CMTM3: variants seen among roughly 807,000 people sequenced by gnomAD.
CMTM3 encodes CKLF-like MARVEL transmembrane domain-containing protein 3.
Under a neutral mutation model 18.2 loss-of-function variants are expected in CMTM3, and 7 were observed. The observed-to-expected ratio is 0.38, with a 90% CI of 0.22 to 0.72. The LOEUF (loss-of-function observed/expected upper bound fraction) is 0.72. Ranked by LOEUF, CMTM3 falls within the 30% of genes least tolerant of loss-of-function variation. The probability of loss-of-function intolerance (pLI) is 0.46; values close to 1 mark genes in which losing one functional copy is unlikely to be tolerated. For missense variants in CMTM3, 227 were observed against 249.2 expected (o/e 0.91, Z 0.60); for synonymous variants, 109 against 111.2 (o/e 0.98, Z 0.12).
At chr16:66,604,655 TG>T (rs1251936789), upstream of CMTM3, 15 of 390,366 alleles carry the variant, frequency 3.8e-5, no homozygotes, top group East Asian at 7.6e-4. Context: ...GAGGAGCGGG[TG>T]GGGGCGGGGC....
Position 66,612,448 on chromosome 16 carries a change from G to A in CMTM3, c.521-161G>A, listed in dbSNP as rs553475482. ...TGCCTGTGGAGGGCCTCAGGCCCGC[G>A]GCCTGCCCTGATGCCAGCGATCACT... is the stretch of plus-strand genomic sequence containing the variant. On this transcript the variant is annotated intron_variant, in intron 4 of 4. Coordinates refer to ENST00000567572, the MANE Select transcript of CMTM3 (RefSeq NM_181553.4). The surrounding 1 kb of genome is among the most constrained non-coding windows in gnomAD (Gnocchi z 6.0). Among the ~76,000 whole-genome samples the A allele has an allele frequency of 4.6e-5, 7 of 151,964 alleles. No homozygotes were observed. The highest frequency in any genetic ancestry group is 8.8e-5 in the Non-Finnish European group (6 of 67,962).
Position 66,604,866 on chromosome 16 carries a change from G to A in CMTM3, c.61G>A (p.Gly21Ser), listed in dbSNP as rs1475415385. The stretch of plus-strand genomic sequence containing the variant: ...CGAGCCTGCCGGCGGCTCCCGTCCC[G>A]GCCCCGCGGTCCCCGGGCTCCGCGC... ...DPEPAGGSRP[G>S]PAVPGLRALL... The change falls in exon 1 of 5, where the codon GGC becomes AGC. Residue 21 changes from glycine (G) to serine (S), a missense_variant. Gly to Ser is a moderately conservative substitution (Grantham distance 56). Coordinates refer to ENST00000567572, the MANE Select transcript of CMTM3 (RefSeq NM_181553.4). The A allele has an allele frequency of 8.6e-6, 12 of 1,400,444 alleles. No individual in the cohort carries two copies. The East Asian group carries it at 1.2e-4, about 14-fold the overall frequency. The allele number at this position is 1,400,444 out of a possible 1,614,324, so 86.8% of individuals were successfully genotyped here. A position where few individuals can be genotyped will look rare whatever the true frequency, so the allele number is the denominator to read the frequency against.
rs2015430373 is a variant in CMTM3, at chr16:66,612,749, T to TGCGGACACAGCAGGCCCCC, written c.*113_*131dup. 3 of 1,061,926 alleles carry TGCGGACACAGCAGGCCCCC rather than the reference T, an allele frequency of 2.8e-6. No individual in the cohort carries two copies. The allele number at this position is 1,061,926 out of a possible 1,614,324, so 65.8% of individuals were successfully genotyped here. ...TGGACTTCTGAGTTGCAGAGGGGGC[T>TGCGGACACAGCAGGCCCCC]GCGGACACAGCAGGCCCCCTACAGC... On this transcript the variant is annotated 3_prime_UTR_variant, in exon 5 of 5. Transcript: ENST00000567572. The surrounding 1 kb of genome is among the most constrained non-coding windows in gnomAD (Gnocchi z 6.0).
chr16:66,605,610 CG>C lies in CMTM3; in HGVS notation c.147+661del, dbSNP rs1301774132. On this transcript the variant is annotated intron_variant, in intron 1 of 4. Transcript: ENST00000567572. The surrounding 1 kb of genome is among the most constrained non-coding windows in gnomAD (Gnocchi z 4.6). ...CCGTTGGGGATGGGGAGGGAGAGGC[CG>C]GGCCGGAGACCGGGGGAGGCGGGAG... 6.5e-6 allele frequency: 1 copy of C among 153,304 alleles called. No individual in the cohort carries two copies. The highest frequency in any genetic ancestry group is 1.5e-5 in the Non-Finnish European group (1 of 68,888). 9.5% of individuals were successfully genotyped at this position (153,304 alleles called of 1,614,324 possible).
chr16:66,606,633 G>A (rs1032038049), intron 1 of CMTM3, among the ~76,000 whole-genome samples: 1 of 152,152 alleles, frequency 6.6e-6, no homozygotes, highest in African/African-American at 2.4e-5. Flanking sequence ...ATGTTCAAAC[G>A]CAGCCACAGT....
chr16:66,610,064 A>G lies in CMTM3; in HGVS notation c.520+61A>G. 6.3e-7 allele frequency: 1 copy of G among 1,597,088 alleles called. No homozygotes were observed. The highest frequency in any genetic ancestry group is 8.5e-7 in the Non-Finnish European group (1 of 1,170,376). On this transcript the variant is annotated intron_variant, in intron 4 of 4. Transcript: ENST00000567572. This position sits in a 1 kb window ranked among gnomAD's most constrained non-coding sequence, Gnocchi z 4.6. Reference sequence around the variant, plus strand: ...AACAGGGGCCTGCCCTCCCTCGGGGATGCCAGCTAGTTTGAGGCTGGGGTG... The same window carrying G: ...AACAGGGGCCTGCCCTCCCTCGGGGGTGCCAGCTAGTTTGAGGCTGGGGTG...
rs1567394093 is a variant in CMTM3 at position 66,608,550 on chromosome 16, C to T, written c.303+86C>T. 2.6e-5 allele frequency: 36 copies of T among 1,381,248 alleles called. No individual in the cohort carries two copies. The highest frequency in any genetic ancestry group is 3.5e-5 in the Non-Finnish European group (35 of 998,200). The allele number at this position is 1,381,248 out of a possible 1,614,324, so 85.6% of individuals were successfully genotyped here. A position where few individuals can be genotyped will look rare whatever the true frequency, so the allele number is the denominator to read the frequency against. ...CAGAGTCGTGCACTTGGGCCCTTAT[C>T]CTTTCTCTAGTGTGCTGGAGTTTGC... On this transcript the variant is annotated intron_variant, in intron 2 of 4. Transcript: ENST00000567572. This position sits in a 1 kb window ranked among gnomAD's most constrained non-coding sequence, Gnocchi z 5.1.
intron 1 of CMTM3, among the ~76,000 whole-genome samples, chr16:66,606,148 G>A (rs1597204861): frequency 6.6e-6 from 1 of 152,164 alleles, no homozygotes; most frequent in Non-Finnish European, 1.5e-5. Flanking sequence ...AAGGGTGAAC[G>A]GTCAGCACTC....
upstream of CMTM3, chr16:66,604,031 AGT>A (rs749278211): frequency 3.0e-3 from 437 of 147,832 alleles, 1 homozygote; most frequent in African/African-American, 6.8e-3. Context: ...GTGCGTGTGG[AGT>A]GTGTGTGTGT....
chr16:66,604,900 C>T lies in CMTM3; in HGVS notation c.95C>T (p.Pro32Leu), dbSNP rs1280690578. Reference sequence around the variant, plus strand: ...GTCCCCGGGCTCCGCGCCCTGCTGCCGGCGCGGGCTTTCCTCTGCTCTCTC... The same window carrying T: ...GTCCCCGGGCTCCGCGCCCTGCTGCTGGCGCGGGCTTTCCTCTGCTCTCTC... ...PAVPGLRALLPARAFLCSLKG... is the reference protein window; with the variant it reads ...PAVPGLRALLLARAFLCSLKG... Residue 32 changes from proline to leucine, a missense_variant, in exon 1 of 5, where the codon CCG becomes CTG. Physicochemically the swap from Pro to Leu is moderately conservative, Grantham distance 98. Coordinates refer to ENST00000567572, the MANE Select transcript of CMTM3 (RefSeq NM_181553.4). 5 of 1,455,048 alleles carry T rather than the reference C, an allele frequency of 3.4e-6. No individual in the cohort carries two copies. Among genetic ancestry groups the T allele is most frequent in the East Asian group, 6.0e-5 (2 of 33,186 alleles). 90.1% of individuals were successfully genotyped at this position (1,455,048 alleles called of 1,614,324 possible). A position where few individuals can be genotyped will look rare whatever the true frequency, so the allele number is the denominator to read the frequency against.
rs1036343370 is a variant in CMTM3, at chr16:66,606,507, G to T, written c.147+1555G>T. 4.6e-4 allele frequency among the ~76,000 whole-genome samples: 70 copies of T among 151,170 alleles called. 1 individual carries two copies. Among genetic ancestry groups the T allele is most frequent in the African/African-American group, 1.7e-3 (69 of 40,998 alleles). On this transcript the variant is annotated intron_variant, in intron 1 of 4. Coordinates refer to ENST00000567572, the MANE Select transcript of CMTM3 (RefSeq NM_181553.4). ...GCAGAGCAAATGGGGGTGCTCTGGGGACCCCCTGGGATCCCTGCAGTTCAT... is the reference window on the plus strand; with the variant it reads ...GCAGAGCAAATGGGGGTGCTCTGGGTACCCCCTGGGATCCCTGCAGTTCAT...
In CMTM3 at chr16:66,609,808, G is replaced by A. The variant is rs566439031; in HGVS notation, c.400-75G>A. 9.9e-6 allele frequency: 16 copies of A among 1,613,980 alleles called. No homozygotes were observed. The African/African-American group carries it at 2.1e-4, about 22-fold the overall frequency. Reference sequence around the variant, plus strand: ...GTTTGTCCAAGCAGATCTGAAATGGGCCGTGAGGCTGGGGCAGCAGCCTCC... The same window carrying A: ...GTTTGTCCAAGCAGATCTGAAATGGACCGTGAGGCTGGGGCAGCAGCCTCC... On this transcript the variant is annotated intron_variant, in intron 3 of 4. Transcript: ENST00000567572. The surrounding 1 kb of genome is among the most constrained non-coding windows in gnomAD (Gnocchi z 4.4).
rs2015062333 is a variant in CMTM3 at position 66,604,773 on chromosome 16, A to G, written c.-33A>G. The G allele has an allele frequency of 2.4e-6, 3 of 1,229,262 alleles. No homozygotes were observed. Among genetic ancestry groups the G allele is most frequent in the African/African-American group, 1.6e-5 (1 of 63,578 alleles). 76.1% of individuals were successfully genotyped at this position (1,229,262 alleles called of 1,614,324 possible). On this transcript the variant is annotated 5_prime_UTR_variant, in exon 1 of 5. Transcript: ENST00000567572. The stretch of plus-strand genomic sequence containing the variant: ...CTCCGGGCGCGAGAAGAGGGGAGCC[A>G]GGCCGAGCCCCGGCCCTACCGCCGC...
chr16:66,613,136 T>C lies in CMTM3; in HGVS notation c.*499T>C, dbSNP rs907423213. ...TTGGTGACAATGACCCTTCCAAGAA[T>C]CTTTGGTTCAAGGAGCACCAGTTCC... On this transcript the variant is annotated 3_prime_UTR_variant, in exon 5 of 5. Transcript: ENST00000567572. 48 of 702,994 alleles carry C rather than the reference T, an allele frequency of 6.8e-5. No homozygotes were observed. Among genetic ancestry groups the C allele is most frequent in the African/African-American group, 6.3e-4 (36 of 57,386 alleles). The allele number at this position is 702,994 out of a possible 1,614,324, so 43.5% of individuals were successfully genotyped here. A position where few individuals can be genotyped will look rare whatever the true frequency, so the allele number is the denominator to read the frequency against.
chr16:66,612,789 G>C lies in CMTM3; in HGVS notation c.*152G>C. ...CCCCCTACAGCCTCAGGTTCTGCCT[G>C]AGCCCAGCCTACCAGGCTTGCCCCT... On this transcript the variant is annotated 3_prime_UTR_variant, in exon 5 of 5. Coordinates refer to ENST00000567572, the MANE Select transcript of CMTM3 (RefSeq NM_181553.4). The surrounding 1 kb of genome is among the most constrained non-coding windows in gnomAD (Gnocchi z 6.0). The C allele has an allele frequency of 1.4e-6, 1 of 737,856 alleles. No homozygotes were observed. Among genetic ancestry groups the C allele is most frequent in the Non-Finnish European group, 2.2e-6 (1 of 445,986 alleles). The allele number at this position is 737,856 out of a possible 1,614,324, so 45.7% of individuals were successfully genotyped here. A position where few individuals can be genotyped will look rare whatever the true frequency, so the allele number is the denominator to read the frequency against.
In CMTM3 at chr16:66,610,164, C is replaced by A. The variant is rs2015323613; in HGVS notation, c.520+161C>A. The A allele has an allele frequency of 3.4e-6, 3 of 876,646 alleles. No homozygotes were observed. Among genetic ancestry groups the A allele is most frequent in the Non-Finnish European group, 5.2e-6 (3 of 575,792 alleles). 54.3% of individuals were successfully genotyped at this position (876,646 alleles called of 1,614,324 possible). A position where few individuals can be genotyped will look rare whatever the true frequency, so the allele number is the denominator to read the frequency against. On this transcript the variant is annotated intron_variant, in intron 4 of 4. Transcript: ENST00000567572. This position sits in a 1 kb window ranked among gnomAD's most constrained non-coding sequence, Gnocchi z 4.6. ...TCACCTACCCTCATGCAGCACTGAT[C>A]CAAAGCCAGTCCCATTCGCCTCGTG...
Position 66,608,335 on chromosome 16 carries a change from C to G in CMTM3, c.174C>G (p.Cys58Trp). The change falls in exon 2 of 5, where the codon TGC becomes TGG. Residue 58 changes from cysteine to tryptophan, a missense_variant. Cys to Trp is a radical substitution (Grantham distance 215, BLOSUM62 -2). Coordinates refer to ENST00000567572, the MANE Select transcript of CMTM3 (RefSeq NM_181553.4). The surrounding 1 kb of genome is among the most constrained non-coding windows in gnomAD (Gnocchi z 5.1). Reference protein sequence around the residue: ...ESGLSFITFICYVASSASAFL... With the variant: ...ESGLSFITFIWYVASSASAFL... ...GTCTCTCATTCATCACTTTTATCTGCTATGTGGCGTCCTCAGCATCTGCCT... is the reference window on the plus strand; with the variant it reads ...GTCTCTCATTCATCACTTTTATCTGGTATGTGGCGTCCTCAGCATCTGCCT... The G allele has an allele frequency of 6.2e-7, 1 of 1,614,222 alleles. No homozygotes were observed. Among genetic ancestry groups the G allele is most frequent in the Non-Finnish European group, 8.5e-7 (1 of 1,180,036 alleles).
Position 66,609,554 on chromosome 16 carries a change from G to C in CMTM3, c.399+24G>C. Reference sequence around the variant, plus strand: ...GGGTGAGCAGCCGCCCCACCCCTCTGGAAACTGCAGATGCCCCTCTAGCCC... The same window carrying C: ...GGGTGAGCAGCCGCCCCACCCCTCTCGAAACTGCAGATGCCCCTCTAGCCC... On this transcript the variant is annotated intron_variant, in intron 3 of 4. Coordinates refer to ENST00000567572, the MANE Select transcript of CMTM3 (RefSeq NM_181553.4). The surrounding 1 kb of genome is among the most constrained non-coding windows in gnomAD (Gnocchi z 4.4). 14 of 1,569,822 alleles carry C rather than the reference G, an allele frequency of 8.9e-6. No homozygotes were observed. Among genetic ancestry groups the C allele is most frequent in the Non-Finnish European group, 1.2e-5 (14 of 1,154,650 alleles).
Position 66,609,541 on chromosome 16 carries a change from G to GC in CMTM3, c.399+15dup. 2 of 1,582,564 alleles carry GC rather than the reference G, an allele frequency of 1.3e-6. No homozygotes were observed. The highest frequency in any genetic ancestry group is 2.3e-5 in the South Asian group (2 of 87,600). Reference sequence around the variant, plus strand: ...TCCAAAGCCGCTGGGGTGAGCAGCCGCCCCACCCCTCTGGAAACTGCAGAT... The same window carrying GC: ...TCCAAAGCCGCTGGGGTGAGCAGCCGCCCCCACCCCTCTGGAAACTGCAGAT... On this transcript the variant is annotated intron_variant, in intron 3 of 4. Coordinates refer to ENST00000567572, the MANE Select transcript of CMTM3 (RefSeq NM_181553.4). The surrounding 1 kb of genome is among the most constrained non-coding windows in gnomAD (Gnocchi z 4.4).
Sources: gnomAD v4.1 joint callset for allele counts (sites outside exome capture counted in the v4.1 genomes callset) on GRCh38, gnomAD v4.1.1 for gene constraint, Gnocchi (gnomAD v3.1) non-coding constraint, MANE v1.5 for transcripts, NCBI Gene and HGNC (gene_info 2026-07-23, HGNC 2026-07-21) for gene names.